The following CUX2 variants were observed in gnomAD, a reference collection of about 807,000 sequenced individuals.
CUX2 encodes the protein cut like homeobox 2, also known as homeobox protein cut-like 2.
CUX2 carries 40 observed loss-of-function variants against 144.8 expected under a neutral mutation model. The observed-to-expected ratio is 0.28, with a 90% CI of 0.21 to 0.36. CUX2 has a LOEUF of 0.36. CUX2 is among the 10% of genes least tolerant of loss of function. The pLI is 1.00. For synonymous variants in CUX2, 827 were observed against 875.6 expected, an observed-to-expected ratio of 0.94 and a Z score of 0.98; for missense variants, 1,615 against 1,994.0, an observed-to-expected ratio of 0.81 and a Z score of 3.62.
chr12:111,172,764 C>T (rs1193871669), intron 1 of CUX2, among the ~76,000 whole-genome samples: 1 of 152,226 alleles, frequency 6.6e-6, no homozygotes, highest in Admixed American at 6.5e-5. Flanking sequence ...CGTTTCTCGA[C>T]TTTTCAGTAA....
Position 111,293,959 on chromosome 12 carries a change from T to C in CUX2, c.560+390T>C, listed in dbSNP as rs538635996. On this transcript the variant is annotated intron_variant, in intron 6 of 21. Coordinates refer to ENST00000261726, the MANE Select transcript of CUX2 (RefSeq NM_015267.4). This position sits in a 1 kb window ranked among gnomAD's most constrained non-coding sequence, Gnocchi z 4.5. ...AGGTGCAAAATTGGTAGAGCAGGAGTTGGTGCTGCAATCTTTTTAAATTTT... is the reference window on the plus strand; with the variant it reads ...AGGTGCAAAATTGGTAGAGCAGGAGCTGGTGCTGCAATCTTTTTAAATTTT... Among the ~76,000 whole-genome samples the C allele has an allele frequency of 6.6e-6, 1 of 152,166 alleles. No homozygotes were observed. The highest frequency in any genetic ancestry group is 1.5e-5 in the Non-Finnish European group (1 of 68,028).
intron 1 of CUX2, among the ~76,000 whole-genome samples, chr12:111,152,829 C>T (rs1877135293): frequency 6.6e-6 from 1 of 152,170 alleles, no homozygotes; most frequent in Non-Finnish European, 1.5e-5. Flanking sequence ...CAGTCAGGGA[C>T]TGGGGACAAG....
intron 1 of CUX2, among the ~76,000 whole-genome samples, chr12:111,091,407 C>T (rs1038170809): frequency 1.3e-5 from 2 of 152,098 alleles, no homozygotes; most frequent in Admixed American, 6.5e-5. Context: ...CAAGTGCAAC[C>T]GGGCAGCGTT....
chr12:111,147,095 A>G (rs1338931423), intron 1 of CUX2, among the ~76,000 whole-genome samples: 1 of 152,216 alleles, frequency 6.6e-6, no homozygotes, highest in African/African-American at 2.4e-5. Context: ...AGATCATGCC[A>G]TGCACTGTAG....
At chr12:111,270,523 T>C (rs1398090627) in intron 4 of CUX2, 2 of 152,118 alleles carry the variant, frequency 1.3e-5, no homozygotes, top group Admixed American at 6.5e-5. Context: ...GATGATGTGA[T>C]TTAAACCTCT....
chr12:111,116,127 G>C (rs1299599315), intron 1 of CUX2, among the ~76,000 whole-genome samples: 4 of 152,218 alleles, frequency 2.6e-5, no homozygotes, highest in Non-Finnish European at 5.9e-5. Context: ...TTGACAGGTA[G>C]ATGTGTGTAA....
At chr12:111,299,819 C>G (rs1398174683) in intron 9 of CUX2, among the ~76,000 whole-genome samples, 1 of 152,212 alleles carries the variant, frequency 6.6e-6, no homozygotes, top group African/African-American at 2.4e-5. Context: ...GCCTCTCTCA[C>G]CAGCCCCTGG....
intron 4 of CUX2, among the ~76,000 whole-genome samples, chr12:111,264,525 A>C (rs1419894580): frequency 1.3e-5 from 2 of 152,204 alleles, no homozygotes; most frequent in Non-Finnish European, 2.9e-5. Flanking sequence ...ACCTGAGGTC[A>C]GGAGTTCGAG....
intron 1 of CUX2, among the ~76,000 whole-genome samples, chr12:111,081,177 G>GC (rs1871865806): frequency 6.6e-6 from 1 of 152,086 alleles, no homozygotes; most frequent in South Asian, 2.1e-4. Context: ...CTTTTTGTTT[G>GC]CCCCCTACTG....
chr12:111,317,460 G>A (rs747373087), intron 16 of CUX2, among the ~76,000 whole-genome samples: 1 of 151,852 alleles, frequency 6.6e-6, no homozygotes, highest in African/African-American at 2.4e-5. Context: ...TCATTCATTC[G>A]TTCACTCATG....
intron 19 of CUX2, among the ~76,000 whole-genome samples, chr12:111,337,200 A>G (rs113616555): frequency 0.052 from 7,835 of 151,888 alleles, 356 homozygotes; most frequent in South Asian, 0.2. Context: ...TAAAAATACA[A>G]AAATTAGCCA....
chr12:111,294,787 A>G (rs1332289512), intron 6 of CUX2, among the ~76,000 whole-genome samples: 2 of 151,462 alleles, frequency 1.3e-5, no homozygotes, highest in Admixed American at 1.3e-4. Flanking sequence ...AATCCCAGGT[A>G]CTCAGGAGGT....
At position 111,161,958 on chromosome 12, in the gene CUX2, A is replaced by G. The variant is rs556752142; in HGVS notation, c.64-52242A>G. ...CCCATGTTGCCCAATGTGGTCTCGA[A>G]CTCCTGGGCTCAAGCGATCCTCCTG... On this transcript the variant is annotated intron_variant, in intron 1 of 21. Transcript: ENST00000261726. Among the ~76,000 whole-genome samples the G allele has an allele frequency of 2.6e-5, 4 of 152,122 alleles. No individual in the cohort carries two copies. In the East Asian group the frequency reaches 7.7e-4, roughly 29 times the overall value.
At chr12:111,230,225 A>T (rs1592861300) in intron 3 of CUX2, among the ~76,000 whole-genome samples, 1 of 145,864 alleles carries the variant, frequency 6.9e-6, no homozygotes, top group Admixed American at 6.9e-5. Context: ...CGGGGAGGGG[A>T]GGAATGGGGA....
In CUX2 at chr12:111,037,708, T is replaced by C. The variant is rs927654030; in HGVS notation, c.63+3468T>C. Among the ~76,000 whole-genome samples, 1 of 152,262 alleles carries C rather than the reference T, an allele frequency of 6.6e-6. No homozygotes were observed. Among genetic ancestry groups the C allele is most frequent in the African/African-American group, 2.4e-5 (1 of 41,468 alleles). The stretch of plus-strand genomic sequence containing the variant: ...GAACATTACTAATGCAGTATTTTTT[T>C]ATGGCTTTTCTGTGTATAATCGTCG... On this transcript the variant is annotated intron_variant, in intron 1 of 21. Transcript: ENST00000261726. The surrounding 1 kb of genome is among the most constrained non-coding windows in gnomAD (Gnocchi z 5.4).
At chr12:111,226,714 C>T (rs1174050093) in intron 3 of CUX2, among the ~76,000 whole-genome samples, 1 of 152,088 alleles carries the variant, frequency 6.6e-6, no homozygotes. Flanking sequence ...ACACGAATTG[C>T]TTTTTGGCCT....
At chr12:111,318,238 CTTTTTTCT>C (rs1259699875) in intron 16 of CUX2, among the ~76,000 whole-genome samples, 3 of 109,656 alleles carry the variant, frequency 2.7e-5, no homozygotes, top group African/African-American at 1.4e-4. Flanking sequence ...ATTTTTTTTT[CTTTTTTCT>C]TTTTTTTTTT....
At chr12:111,071,653 G>A (rs1006298214) in intron 1 of CUX2, among the ~76,000 whole-genome samples, 6 of 152,178 alleles carry the variant, frequency 3.9e-5, no homozygotes, top group South Asian at 2.1e-4. Flanking sequence ...TGCTTTTGGT[G>A]TTGTATCTAA....
chr12:111,150,289 T>A (rs537264466), intron 1 of CUX2, among the ~76,000 whole-genome samples: 30 of 152,254 alleles, frequency 2.0e-4, no homozygotes, highest in South Asian at 4.2e-4. Context: ...GTTAAAAAAA[T>A]TTTTTTAACC....
Sources: gnomAD v4.1 joint callset for allele counts (sites outside exome capture counted in the v4.1 genomes callset) on GRCh38, gnomAD v4.1.1 for gene constraint, Gnocchi (gnomAD v3.1) non-coding constraint, MANE v1.5 for transcripts, NCBI Gene and HGNC (gene_info 2026-07-23, HGNC 2026-07-21) for gene names.